The following COL4A4 variants were observed in gnomAD, a reference collection of about 807,000 sequenced individuals.
COL4A4 encodes collagen type IV alpha 4 chain, also known as collagen alpha-4(IV) chain.
Under a neutral mutation model 192.9 loss-of-function variants are expected in COL4A4, and 105 were observed. That is an observed-to-expected ratio of 0.54 (90% CI 0.46 to 0.64). COL4A4 has a LOEUF of 0.64. Ranked by LOEUF, COL4A4 falls within the 30% of genes least tolerant of loss-of-function variation. COL4A4 has a pLI of 0.00. For missense variants in COL4A4, 1,967 were observed against 2,169.3 expected (o/e 0.91, Z 1.85); for synonymous variants, 762 against 769.9 (o/e 0.99, Z 0.17).
intron 44 of COL4A4, among the ~76,000 whole-genome samples, chr2:227,018,708 G>A (rs1306335213): frequency 6.6e-6 from 1 of 152,136 alleles, no homozygotes; most frequent in African/African-American, 2.4e-5. Flanking sequence ...TTAGAGAGGT[G>A]GCCTTGGAGT....
At chr2:227,132,261 C>T (rs1415515916) in intron 4 of COL4A4, among the ~76,000 whole-genome samples, 1 of 152,114 alleles carries the variant, frequency 6.6e-6, no homozygotes, top group Non-Finnish European at 1.5e-5. Context: ...GCACCTCAAA[C>T]AGTGCCTGGC....
At chr2:227,037,192 C>G (rs559461825) in intron 37 of COL4A4, among the ~76,000 whole-genome samples, 2 of 152,216 alleles carry the variant, frequency 1.3e-5, no homozygotes, top group East Asian at 1.9e-4. Context: ...CCCATCAACC[C>G]GACATCTGTA....
intron 9 of COL4A4, among the ~76,000 whole-genome samples, chr2:227,109,703 T>C (rs7592307): frequency 0.2 from 30,249 of 150,308 alleles, 4,967 homozygotes; most frequent in African/African-American, 0.45. Context: ...GCCGAGATTG[T>C]GCCACTGCAC....
chr2:227,090,036 C>T, intron 20 of COL4A4, 79 bp from the exon 21 acceptor site: 1 of 1,080,680 alleles, frequency 9.3e-7, no homozygotes, highest in East Asian at 2.4e-5. Context: ...GTGACTTTTG[C>T]ACTCACATCC....
At position 227,078,096 on chromosome 2, in the gene COL4A4, G is replaced by A. The variant is rs1056868606; in HGVS notation, c.1804-19C>T. 1 of 1,613,302 alleles carries A rather than the reference G, an allele frequency of 6.2e-7. No individual in the cohort carries two copies. Among genetic ancestry groups the A allele is most frequent in the Non-Finnish European group, 8.5e-7 (1 of 1,179,578 alleles). The stretch of plus-strand genomic sequence containing the variant: ...GATCCCCCTGGGAATGTTATGTCAT[G>A]AGTCAATTACCAACCACTGAATGTC... On this transcript the variant is annotated intron_variant, in intron 24 of 47. Transcript: ENST00000396625.
chr2:227,099,414 G>A (rs954240118), intron 18 of COL4A4, among the ~76,000 whole-genome samples: 16 of 152,080 alleles, frequency 1.1e-4, no homozygotes, highest in African/African-American at 3.6e-4. Context: ...TAGACTTTCT[G>A]AAAGATAACA....
chr2:227,156,225 C>T (rs1292755562), intron 1 of COL4A4, among the ~76,000 whole-genome samples: 1 of 151,714 alleles, frequency 6.6e-6, no homozygotes, highest in Non-Finnish European at 1.5e-5. Context: ...ATGATGAAAC[C>T]ACATCTCTAC....
At position 227,005,016 on chromosome 2, in the gene COL4A4, A is replaced by C. The variant is rs1345723333; in HGVS notation, c.*2309T>G. ...GAAAATAATGGTTTAAGGTAACAGG[A>C]TCTTCTATTCCAAGAAGTTATTTTT... On this transcript the variant is annotated 3_prime_UTR_variant, in exon 48 of 48. Transcript: ENST00000396625. The C allele has an allele frequency of 6.6e-6, 1 of 152,148 alleles. No individual in the cohort carries two copies. The highest frequency in any genetic ancestry group is 1.9e-4 in the East Asian group (1 of 5,202). 9.4% of individuals were successfully genotyped at this position (152,148 alleles called of 1,614,324 possible).
chr2:227,069,800 T>C (rs375280681), intron 25 of COL4A4, among the ~76,000 whole-genome samples: 5 of 151,046 alleles, frequency 3.3e-5, no homozygotes, highest in East Asian at 1.9e-4. Context: ...ATTCAGGACA[T>C]AGGCATGGGC....
the COL4A4 span, among the ~76,000 whole-genome samples, chr2:226,986,100 T>C: frequency 6.6e-6 from 1 of 152,180 alleles, no homozygotes; most frequent in Non-Finnish European, 1.5e-5. Context: ...AGTCTAACCA[T>C]GAGGACAAAT....
intron 37 of COL4A4, among the ~76,000 whole-genome samples, chr2:227,041,549 G>A (rs1157462414): frequency 6.6e-6 from 1 of 151,224 alleles, no homozygotes; most frequent in Non-Finnish European, 1.5e-5. Flanking sequence ...GCTGAGGCAG[G>A]AGAATTGCTT....
intron 19 of COL4A4, among the ~76,000 whole-genome samples, chr2:227,096,245 G>A (rs2150711574): frequency 6.6e-6 from 1 of 152,276 alleles, no homozygotes; most frequent in African/African-American, 2.4e-5. Context: ...AGCCCACCCA[G>A]GGAGGCTCCT....
chr2:227,119,057 T>C (rs1024575388), intron 6 of COL4A4, among the ~76,000 whole-genome samples: 20 of 146,000 alleles, frequency 1.4e-4, no homozygotes, highest in African/African-American at 5.0e-4. Context: ...CACATACCTC[T>C]TTTTTTTTTT....
At chr2:226,988,469 G>A in the COL4A4 span, 1 of 1,547,048 alleles carries the variant, frequency 6.5e-7, no homozygotes, top group Non-Finnish European at 8.7e-7. Context: ...AGGCTGCAGG[G>A]TCCCTGTAGT....
chr2:227,078,131 A>C, intron 24 of COL4A4, 54 bp from the exon 25 acceptor site: 1 of 1,584,842 alleles, frequency 6.3e-7, no homozygotes, highest in Non-Finnish European at 8.6e-7. Flanking sequence ...CCATGAACTC[A>C]AAGCAGTCAT....
chr2:227,010,368 A>C lies in COL4A4; in HGVS notation c.4467T>G (p.Thr1489=), dbSNP rs1963393483. The C allele has an allele frequency of 2.5e-6, 4 of 1,614,256 alleles. No homozygotes were observed. Among genetic ancestry groups the C allele is most frequent in the Admixed American group, 1.7e-5 (1 of 60,036 alleles). ...TCPLGMPRLW[T]GYSLLYLEGQ... ...CTTCCAGGTATAACAGACTATACCC[A>C]GTCCAGAGCCTGGGCATGCCCAGGG... Residue 1489 remains threonine, a synonymous_variant, in exon 46 of 48, where the codon ACT becomes ACG. Coordinates refer to ENST00000396625, the MANE Select transcript of COL4A4 (RefSeq NM_000092.5).
intron 15 of COL4A4, among the ~76,000 whole-genome samples, 165 bp from the exon 16 acceptor site, chr2:227,102,074 A>T (rs1290151568): frequency 6.6e-6 from 1 of 152,248 alleles, no homozygotes; most frequent in Non-Finnish European, 1.5e-5. Flanking sequence ...CCATTTCTTT[A>T]TAACATTTGC....
chr2:226,978,965 A>C, the COL4A4 span, among the ~76,000 whole-genome samples: 1 of 152,186 alleles, frequency 6.6e-6, no homozygotes, highest in Non-Finnish European at 1.5e-5. Context: ...CTTCAGAGGG[A>C]CAGAAACCAA....
chr2:227,126,698 C>T (rs1430388592), intron 4 of COL4A4, among the ~76,000 whole-genome samples: 3 of 152,174 alleles, frequency 2.0e-5, no homozygotes, highest in Non-Finnish European at 2.9e-5. Context: ...AATAACAGCA[C>T]AAAATCTGTC....
Sources: allele counts gnomAD v4.1 joint callset (sites outside exome capture counted in the v4.1 genomes callset), GRCh38; gene constraint gnomAD v4.1.1; transcripts MANE v1.5; gene names NCBI Gene and HGNC (gene_info 2026-07-23, HGNC 2026-07-21).